Variants in CNTN6 observed in about 807,000 individuals in gnomAD.
CNTN6 encodes the protein contactin 6, also known as contactin-6.
In CNTN6, 137 loss-of-function variants were observed where a neutral mutation model predicts 122.8. The ratio of observed to expected loss-of-function variants is 1.12; its 90% CI spans 0.97 to 1.29. CNTN6 has a LOEUF of 1.29. Ranked by LOEUF, CNTN6 falls within the 50% of genes most tolerant of loss-of-function variation. The pLI is 0.00. For missense variants in CNTN6, 1,634 were observed against 1,223.4 expected, an observed-to-expected ratio of 1.34 and a Z score of -5.01; for synonymous variants, 570 against 426.0, an observed-to-expected ratio of 1.34 and a Z score of -4.16.
chr3:1,140,126 A>G (rs548377089), intron 1 of CNTN6, among the ~76,000 whole-genome samples: 2 of 152,346 alleles, frequency 1.3e-5, no homozygotes, highest in African/African-American at 4.8e-5. Flanking sequence ...GATTTGTCCA[A>G]TGAATAAGTA....
At chr3:1,163,566 C>T (rs1005756684) in intron 2 of CNTN6, among the ~76,000 whole-genome samples, 1 of 152,118 alleles carries the variant, frequency 6.6e-6, no homozygotes, top group African/African-American at 2.4e-5. Flanking sequence ...CACATGCCAC[C>T]ACACCTGGCT....
intron 4 of CNTN6, among the ~76,000 whole-genome samples, chr3:1,238,289 A>T (rs548502873): frequency 1.6e-4 from 25 of 152,322 alleles, no homozygotes; most frequent in African/African-American, 5.5e-4. Context: ...AGGAGTAGCT[A>T]TTCTTCTATC....
At chr3:1,359,002 G>A (rs899750034) in intron 12 of CNTN6, among the ~76,000 whole-genome samples, 1 of 152,048 alleles carries the variant, frequency 6.6e-6, no homozygotes, top group Non-Finnish European at 1.5e-5. Context: ...CAAGATTGCA[G>A]TGAGCTATGA....
chr3:1,278,577 C>G, intron 5 of CNTN6, 69 bp downstream of exon 5: 2 of 1,035,184 alleles, frequency 1.9e-6, no homozygotes, highest in Admixed American at 4.3e-5. Context: ...CACATCAGGT[C>G]TTAGGCTCAG....
chr3:1,287,804 C>T (rs574296532), intron 5 of CNTN6, among the ~76,000 whole-genome samples: 1 of 152,312 alleles, frequency 6.6e-6, no homozygotes, highest in Non-Finnish European at 1.5e-5. Flanking sequence ...CTTCTAGAAG[C>T]TACCCAATAT....
In CNTN6 at chr3:1,179,498, G is replaced by C. The variant is rs73816804; in HGVS notation, c.55+31435G>C. On this transcript the variant is annotated intron_variant, in intron 2 of 22. Transcript: ENST00000446702. ...AATTATGTCCTTAGGTTTCAGAAAGGTGGCTGCCTCCGTGTTCCAGTGTTT... is the reference window on the plus strand; with the variant it reads ...AATTATGTCCTTAGGTTTCAGAAAGCTGGCTGCCTCCGTGTTCCAGTGTTT... Among the ~76,000 whole-genome samples, 965 of 152,224 alleles carry C rather than the reference G, an allele frequency of 6.3e-3. 10 individuals carry two copies. Among genetic ancestry groups the C allele is most frequent in the African/African-American group, 0.022 (922 of 41,526 alleles).
chr3:1,242,247 G>A (rs534877306), intron 4 of CNTN6, among the ~76,000 whole-genome samples: 32 of 152,248 alleles, frequency 2.1e-4, no homozygotes, highest in Non-Finnish European at 3.7e-4. Context: ...AGCAAAGAGA[G>A]GCTGGGACGA....
At chr3:1,251,906 G>A (rs963505505) in intron 4 of CNTN6, among the ~76,000 whole-genome samples, 12 of 152,118 alleles carry the variant, frequency 7.9e-5, no homozygotes, top group Admixed American at 5.2e-4. Flanking sequence ...CCTAGTCCCT[G>A]AGCCAGGATG....
At chr3:1,192,291 A>G (rs1433968521) in intron 2 of CNTN6, among the ~76,000 whole-genome samples, 1 of 152,122 alleles carries the variant, frequency 6.6e-6, no homozygotes, top group African/African-American at 2.4e-5. Flanking sequence ...ATTTCTCTAC[A>G]TCTTTTTTAC....
chr3:1,325,867 C>G lies in CNTN6; in HGVS notation c.999C>G (p.Asp333Glu). ...KIQNTHLSIY[D>E]NLLWECKASG... is the part of the protein sequence containing the mutation. ...AAAATACACACCTCTCTATCTATGA[C>G]AACTTGCTCTGGGAATGTAAAGCTA... Residue 333 changes from aspartate (D) to glutamate (E), a missense_variant, in exon 9 of 23, where the codon GAC becomes GAG. Asp to Glu is a conservative substitution (Grantham distance 45, BLOSUM62 2). Coordinates refer to ENST00000446702, the MANE Select transcript of CNTN6 (RefSeq NM_001289080.2). 1 of 1,611,956 alleles carries G rather than the reference C, an allele frequency of 6.2e-7. No homozygotes were observed.
intron 4 of CNTN6, among the ~76,000 whole-genome samples, chr3:1,277,146 T>C (rs929254105): frequency 6.6e-6 from 1 of 152,128 alleles, no homozygotes; most frequent in Admixed American, 6.5e-5. Context: ...GAAGGAAGAA[T>C]AGATCTTGGT....
intron 12 of CNTN6, among the ~76,000 whole-genome samples, chr3:1,354,218 A>C (rs1252275688): frequency 1.3e-5 from 2 of 150,106 alleles, no homozygotes; most frequent in Admixed American, 1.3e-4. Context: ...TGTGTAATAT[A>C]GCCATGTTTT....
At chr3:1,334,124 A>G (rs535192903) in intron 11 of CNTN6, among the ~76,000 whole-genome samples, 1 of 152,276 alleles carries the variant, frequency 6.6e-6, no homozygotes, top group South Asian at 2.1e-4. Context: ...CGAACCAAAA[A>G]TAGGTAGATG....
chr3:1,222,977 T>C (rs902915481), intron 3 of CNTN6, among the ~76,000 whole-genome samples: 1 of 152,160 alleles, frequency 6.6e-6, no homozygotes, highest in Non-Finnish European at 1.5e-5. Context: ...CAGGCCCAAC[T>C]TTATTGATAA....
intron 7 of CNTN6, among the ~76,000 whole-genome samples, chr3:1,307,694 G>T (rs1250785429): frequency 6.6e-6 from 1 of 152,064 alleles, no homozygotes; most frequent in Non-Finnish European, 1.5e-5. Context: ...CAGAATCTCA[G>T]ACATTTCTTG....
At chr3:1,399,976 T>C (rs894091439) in intron 20 of CNTN6, among the ~76,000 whole-genome samples, 1 of 152,124 alleles carries the variant, frequency 6.6e-6, no homozygotes, top group Non-Finnish European at 1.5e-5. Context: ...ACAATAGTGA[T>C]ATCCCAGTGG....
intron 4 of CNTN6, among the ~76,000 whole-genome samples, chr3:1,237,927 C>G (rs1257925872): frequency 2.6e-5 from 4 of 151,652 alleles, no homozygotes; most frequent in Non-Finnish European, 5.9e-5. Flanking sequence ...CTTCAAAATA[C>G]ACAAAAATAG....
chr3:1,103,628 A>G (rs891960891), intron 1 of CNTN6, among the ~76,000 whole-genome samples: 43 of 152,372 alleles, frequency 2.8e-4, no homozygotes, highest in African/African-American at 9.6e-4. Context: ...AAAATAATCT[A>G]TTCGTTATGC....
chr3:1,292,996 T>C (rs1695584876), intron 5 of CNTN6, among the ~76,000 whole-genome samples: 1 of 152,176 alleles, frequency 6.6e-6, no homozygotes, highest in South Asian at 2.1e-4. Flanking sequence ...ACTACTTTTA[T>C]GGTTTAATGA....
Sources: allele counts gnomAD v4.1 joint callset (sites outside exome capture counted in the v4.1 genomes callset), GRCh38; gene constraint gnomAD v4.1.1; transcripts MANE v1.5; gene names NCBI Gene and HGNC (gene_info 2026-07-23, HGNC 2026-07-21).